TBC1D22A: variants seen among roughly 807,000 people sequenced by gnomAD.
The protein encoded by TBC1D22A is putative GTPase activator.
A neutral mutation model predicts 60.2 loss-of-function variants in TBC1D22A; 38 were observed. That is an observed-to-expected ratio of 0.63 (90% CI 0.49 to 0.83). The LOEUF (loss-of-function observed/expected upper bound fraction) is 0.83. Among genes scored for constraint, TBC1D22A ranks in the 40% least tolerant of loss-of-function variants. TBC1D22A has a pLI of 0.00. For missense variants in TBC1D22A, 628 were observed against 701.0 expected (o/e 0.90, Z 1.18); for synonymous variants, 302 against 281.7 (o/e 1.07, Z -0.72).
intron 4 of TBC1D22A, among the ~76,000 whole-genome samples, chr22:46,839,721 A>G (rs2086670381): frequency 6.6e-6 from 1 of 152,270 alleles, no homozygotes; most frequent in Non-Finnish European, 1.5e-5. Context: ...TTATCAAAAC[A>G]GTATGATATT....
intron 12 of TBC1D22A, among the ~76,000 whole-genome samples, chr22:47,148,708 G>A (rs1403169358): frequency 6.7e-6 from 1 of 149,318 alleles, no homozygotes; most frequent in African/African-American, 2.5e-5. Flanking sequence ...CCTCTCCTGG[G>A]GTCCCTCCCT....
At chr22:47,152,786 G>T (rs143734349) in intron 12 of TBC1D22A, among the ~76,000 whole-genome samples, 1,601 of 152,332 alleles carry the variant, frequency 0.011, 32 homozygotes, top group South Asian at 0.1. Context: ...CGGCCGTGGC[G>T]GCAGAGCAGA....
intron 10 of TBC1D22A, among the ~76,000 whole-genome samples, chr22:47,018,306 T>C (rs554395630): frequency 2.6e-5 from 4 of 152,382 alleles, no homozygotes; most frequent in Admixed American, 1.3e-4. Context: ...GCCGTTGGTC[T>C]GTTCTGGGCG....
rs970715524 is a variant in TBC1D22A, at chr22:46,990,459, C to T, written c.1126-7175C>T. Among the ~76,000 whole-genome samples, 7 of 152,170 alleles carry T rather than the reference C, an allele frequency of 4.6e-5. No homozygotes were observed. The highest frequency in any genetic ancestry group is 1.4e-4 in the African/African-American group (6 of 41,434). ...CAGCCTCCCTGTGATTAGTATCTCA[C>T]ATCACTGACTTCAGTGTGGCATATG... On this transcript the variant is annotated intron_variant, in intron 9 of 12. Transcript: ENST00000337137. The surrounding 1 kb of genome is among the most constrained non-coding windows in gnomAD (Gnocchi z 4.6).
chr22:46,832,633 C>T (rs764256886), intron 4 of TBC1D22A, among the ~76,000 whole-genome samples: 10 of 152,054 alleles, frequency 6.6e-5, no homozygotes, highest in East Asian at 3.9e-4. Context: ...GCAACAAGAG[C>T]GAAACTCTGT....
At chr22:46,925,223 C>T (rs9626924) in intron 8 of TBC1D22A, among the ~76,000 whole-genome samples, 2,151 of 152,304 alleles carry the variant, frequency 0.014, 44 homozygotes, top group African/African-American at 0.05. Flanking sequence ...GAATGTTCCT[C>T]ATAGCTTAGG....
At chr22:46,916,889 T>C (rs2147814458) in intron 8 of TBC1D22A, among the ~76,000 whole-genome samples, 1 of 152,336 alleles carries the variant, frequency 6.6e-6, no homozygotes, top group South Asian at 2.1e-4. Context: ...AGATCGATCA[T>C]GGAGAAGTTC....
intron 4 of TBC1D22A, among the ~76,000 whole-genome samples, chr22:46,857,198 C>T (rs966601666): frequency 5.3e-5 from 8 of 152,246 alleles, no homozygotes; most frequent in African/African-American, 1.4e-4. Context: ...TACATCAGTC[C>T]TTTGTGTGGA....
chr22:46,956,165 C>T (rs2073177803), intron 8 of TBC1D22A, among the ~76,000 whole-genome samples: 1 of 152,130 alleles, frequency 6.6e-6, no homozygotes, highest in African/African-American at 2.4e-5. Context: ...CAGAATTCAT[C>T]TGTTGAAGTC....
intron 4 of TBC1D22A, among the ~76,000 whole-genome samples, chr22:46,835,735 A>G (rs909850908): frequency 3.3e-5 from 5 of 152,210 alleles, no homozygotes; most frequent in Non-Finnish European, 5.9e-5. Context: ...CAAGAAGCCC[A>G]TGGGACCCCA....
chr22:46,851,468 G>A (rs1282181926), intron 4 of TBC1D22A, among the ~76,000 whole-genome samples: 3 of 152,260 alleles, frequency 2.0e-5, no homozygotes, highest in East Asian at 1.9e-4. Context: ...CCGAGAGCCT[G>A]CTGGTGCCGG....
intron 11 of TBC1D22A, among the ~76,000 whole-genome samples, chr22:47,077,300 G>C (rs1351695658): frequency 6.6e-6 from 1 of 152,110 alleles, no homozygotes; most frequent in Non-Finnish European, 1.5e-5. Context: ...TCTTTCCCTG[G>C]TGAGTGTGGA....
At chr22:47,076,367 A>ATATATATATATATGTGTG (rs1569422567) in intron 11 of TBC1D22A, among the ~76,000 whole-genome samples, 46 of 103,918 alleles carry the variant, frequency 4.4e-4, no homozygotes, top group African/African-American at 1.9e-3. Context: ...GTGTGTATAT[A>ATATATATATATATGTGTG]TATATATATA....
chr22:47,070,336 T>C (rs1229402038), intron 11 of TBC1D22A, among the ~76,000 whole-genome samples: 1 of 149,922 alleles, frequency 6.7e-6, no homozygotes, highest in Non-Finnish European at 1.5e-5. Flanking sequence ...CCCTGTTGTT[T>C]GGTTGGAGCG....
chr22:46,973,420 C>T lies in TBC1D22A; in HGVS notation c.1016-870C>T, dbSNP rs142433436. Among the ~76,000 whole-genome samples, 354 of 152,334 alleles carry T rather than the reference C, an allele frequency of 2.3e-3. 1 individual carries two copies. Among genetic ancestry groups the T allele is most frequent in the African/African-American group, 8.1e-3 (338 of 41,582 alleles). ...AGAGGGCCTGGCGCGTCAGCAGACC[C>T]CGGTCAACACCAGCGGCAGCATCAT... On this transcript the variant is annotated intron_variant, in intron 8 of 12. Transcript: ENST00000337137.
At chr22:46,951,001 C>T (rs186691928) in intron 8 of TBC1D22A, among the ~76,000 whole-genome samples, 57 of 152,244 alleles carry the variant, frequency 3.7e-4, no homozygotes, top group African/African-American at 1.3e-3. Context: ...TGCATCCATC[C>T]GTAGAAGTGT....
At chr22:47,061,860 A>G (rs1455929170) in intron 11 of TBC1D22A, among the ~76,000 whole-genome samples, 1 of 152,072 alleles carries the variant, frequency 6.6e-6, no homozygotes, top group Non-Finnish European at 1.5e-5. Flanking sequence ...GGCTGAGGCC[A>G]GCGGATCACT....
rs144662996 is a variant in TBC1D22A, at chr22:47,094,647, C to T, written c.1330-16861C>T. Among the ~76,000 whole-genome samples, 832 of 152,282 alleles carry T rather than the reference C, an allele frequency of 5.5e-3. 15 individuals carry two copies. Among genetic ancestry groups the T allele is most frequent in the Admixed American group, 0.049 (745 of 15,292 alleles). On this transcript the variant is annotated intron_variant, in intron 11 of 12. Coordinates refer to ENST00000337137, the MANE Select transcript of TBC1D22A (RefSeq NM_014346.5). ...TTTCTCTGGAGAACCATGACTGATA[C>T]ATCAACCAAAGAATAAATATCCATT...
intron 11 of TBC1D22A, among the ~76,000 whole-genome samples, chr22:47,098,262 GAACC>G (rs2065260564): frequency 1.3e-5 from 2 of 152,138 alleles, no homozygotes; most frequent in Non-Finnish European, 2.9e-5. Context: ...TTGACCTCCA[GAACC>G]CCCTGTCCCC....
Sources: allele counts gnomAD v4.1 joint callset (sites outside exome capture counted in the v4.1 genomes callset), GRCh38; gene constraint gnomAD v4.1.1; non-coding constraint Gnocchi (gnomAD v3.1); transcripts MANE v1.5; gene names NCBI Gene and HGNC (gene_info 2026-07-23, HGNC 2026-07-21).